The following CPQ variants were observed in gnomAD, a reference collection of about 807,000 sequenced individuals.
The protein encoded by CPQ is carboxypeptidase Q.
CPQ carries 37 observed loss-of-function variants against 45.7 expected under a neutral mutation model. That is an observed-to-expected ratio of 0.81 (90% confidence interval 0.62 to 1.07). The LOEUF is 1.07. Ranked by LOEUF, CPQ falls within the 50% of genes least tolerant of loss-of-function variation. The pLI is 0.00. For synonymous variants in CPQ, 186 were observed against 205.8 expected (o/e 0.90, Z 0.82); for missense variants, 537 against 572.9 (o/e 0.94, Z 0.64).
chr8:96,704,653 G>C (rs1809510161), intron 1 of CPQ, among the ~76,000 whole-genome samples: 1 of 152,122 alleles, frequency 6.6e-6, no homozygotes, highest in African/African-American at 2.4e-5. Flanking sequence ...AGAGGTAGGA[G>C]AGGGCAGGAT....
rs1809615818 is a variant in CPQ, at chr8:96,712,178, A to G, written c.-35+66776A>G. ...ATGCTGATGCAGAAGGTGGACATCCATGGTCTTGGGCATCTCCACCCCTGT... is the reference window on the plus strand; with the variant it reads ...ATGCTGATGCAGAAGGTGGACATCCGTGGTCTTGGGCATCTCCACCCCTGT... On this transcript the variant is annotated intron_variant, in intron 1 of 7. Coordinates refer to ENST00000220763, the MANE Select transcript of CPQ (RefSeq NM_016134.4). Among the ~76,000 whole-genome samples the G allele has an allele frequency of 2.0e-5, 3 of 152,186 alleles. No individual in the cohort carries two copies. In the South Asian group the frequency reaches 6.2e-4, roughly 31 times the overall value.
At chr8:96,787,416 A>G (rs1810782696) in intron 2 of CPQ, among the ~76,000 whole-genome samples, 1 of 151,396 alleles carries the variant, frequency 6.6e-6, no homozygotes, top group Admixed American at 6.6e-5. Context: ...TGATTACAAT[A>G]CATAATCTTT....
At chr8:96,915,274 T>C (rs1812717075) in intron 4 of CPQ, among the ~76,000 whole-genome samples, 1 of 152,148 alleles carries the variant, frequency 6.6e-6, no homozygotes, top group African/African-American at 2.4e-5. Flanking sequence ...TCCTGAAGCA[T>C]CTGTAACTTC....
chr8:97,012,243 AT>A (rs1809500484), intron 5 of CPQ, among the ~76,000 whole-genome samples: 1 of 152,192 alleles, frequency 6.6e-6, no homozygotes, highest in South Asian at 2.1e-4. Flanking sequence ...CCAAATGAGT[AT>A]TTATTGATTT....
intron 2 of CPQ, among the ~76,000 whole-genome samples, chr8:96,805,432 T>A (rs1425768368): frequency 6.6e-6 from 1 of 152,176 alleles, no homozygotes; most frequent in African/African-American, 2.4e-5. Context: ...TATTTCGCCT[T>A]TCAAAGGCTC....
At chr8:96,767,634 GCT>G (rs1810484435) in intron 1 of CPQ, among the ~76,000 whole-genome samples, 1 of 72,954 alleles carries the variant, frequency 1.4e-5, no homozygotes, top group Admixed American at 1.5e-4. Flanking sequence ...GGTTACCTAT[GCT>G]TTTTTTTTTT....
chr8:96,880,036 A>G (rs1294711984), intron 4 of CPQ, 31 bp downstream of exon 4: 1 of 1,579,884 alleles, frequency 6.3e-7, no homozygotes, highest in South Asian at 1.1e-5. Flanking sequence ...GCCTAAGAAT[A>G]CAGTTTCCTG....
intron 1 of CPQ, among the ~76,000 whole-genome samples, chr8:96,776,364 A>G (rs115479187): frequency 0.019 from 2,917 of 152,238 alleles, 103 homozygotes; most frequent in African/African-American, 0.067. Flanking sequence ...TCAGGAATGG[A>G]GGGTTTAGGG....
intron 5 of CPQ, among the ~76,000 whole-genome samples, chr8:97,002,488 C>G (rs1321013350): frequency 6.6e-6 from 1 of 152,168 alleles, no homozygotes; most frequent in African/African-American, 2.4e-5. Flanking sequence ...TTTCAAAGAA[C>G]TTCTTGATTT....
rs114171907 is a variant in CPQ, at chr8:96,810,316, G to C, written c.434-24657G>C. Among the ~76,000 whole-genome samples the C allele has an allele frequency of 3.5e-3, 530 of 152,314 alleles. 4 individuals are homozygous for C. The highest frequency in any genetic ancestry group is 0.012 in the African/African-American group (500 of 41,580). ...TTTATACCCTGGTGCCCAGCATGTT[G>C]CTGATGGTCAATAGATGTTTGTAGA... On this transcript the variant is annotated intron_variant, in intron 2 of 7. Transcript: ENST00000220763.
intron 5 of CPQ, among the ~76,000 whole-genome samples, chr8:96,998,226 A>G (rs1357104786): frequency 6.6e-6 from 1 of 152,018 alleles, no homozygotes; most frequent in African/African-American, 2.4e-5. Context: ...TAAAAACAGG[A>G]GTTTATGAAA....
chr8:97,123,043 T>TA (rs1361629584), intron 7 of CPQ, among the ~76,000 whole-genome samples: 2,384 of 16,610 alleles, frequency 0.14, 373 homozygotes, highest in Non-Finnish European at 0.18. Context: ...TAAAATAAAA[T>TA]AAATAAAATA....
chr8:96,741,266 G>A (rs1355625995), intron 1 of CPQ, among the ~76,000 whole-genome samples: 2 of 152,158 alleles, frequency 1.3e-5, no homozygotes, highest in Non-Finnish European at 2.9e-5. Flanking sequence ...TTGCATAGAG[G>A]TGTTTGTAGT....
At chr8:96,930,859 A>T (rs1244565136) in intron 4 of CPQ, among the ~76,000 whole-genome samples, 1 of 152,238 alleles carries the variant, frequency 6.6e-6, no homozygotes, top group Non-Finnish European at 1.5e-5. Flanking sequence ...GAGAAGGAAG[A>T]TGTTTTTCCC....
intron 1 of CPQ, among the ~76,000 whole-genome samples, chr8:96,781,709 CA>C (rs1810687378): frequency 6.6e-6 from 1 of 152,198 alleles, no homozygotes; most frequent in Non-Finnish European, 1.5e-5. Context: ...TTGTCTAAAT[CA>C]GATATGGGTG....
intron 1 of CPQ, among the ~76,000 whole-genome samples, chr8:96,774,978 A>T (rs1162232879): frequency 1.3e-5 from 2 of 152,184 alleles, no homozygotes; most frequent in Non-Finnish European, 2.9e-5. Flanking sequence ...AAAGTTGGTG[A>T]TGCTGGTATT....
At chr8:96,677,657 A>G (rs745611531) in intron 1 of CPQ, among the ~76,000 whole-genome samples, 5 of 152,090 alleles carry the variant, frequency 3.3e-5, no homozygotes, top group South Asian at 2.1e-4. Flanking sequence ...TTTGCTGTGC[A>G]GAAGCTTTTT....
intron 7 of CPQ, among the ~76,000 whole-genome samples, chr8:97,115,827 T>C (rs1439333850): frequency 1.3e-5 from 2 of 152,212 alleles, no homozygotes. Context: ...CTTCACACAC[T>C]AAAGAAATGG....
chr8:96,948,015 G>A (rs1463357753), intron 4 of CPQ, among the ~76,000 whole-genome samples: 2 of 151,898 alleles, frequency 1.3e-5, no homozygotes, highest in Non-Finnish European at 2.9e-5. Context: ...AACAAGACAC[G>A]CAGATCTAGT....
Sources: allele counts gnomAD v4.1 joint callset (sites outside exome capture counted in the v4.1 genomes callset), GRCh38; gene constraint gnomAD v4.1.1; transcripts MANE v1.5; gene names NCBI Gene and HGNC (gene_info 2026-07-23, HGNC 2026-07-21).